The following GRM3 variants were observed in gnomAD, a reference collection of about 807,000 sequenced individuals.
GRM3 encodes metabotropic glutamate receptor 3.
A neutral mutation model predicts 70.5 loss-of-function variants in GRM3; 26 were observed. That is an observed-to-expected ratio of 0.37 (90% CI 0.27 to 0.51). The LOEUF is 0.51. Ranked by LOEUF, GRM3 falls within the 20% of genes least tolerant of loss-of-function variation. The pLI is 0.93. For missense variants in GRM3, 859 were observed against 1,123.8 expected, an observed-to-expected ratio of 0.76 and a Z score of 3.37; for synonymous variants, 443 against 434.9, an observed-to-expected ratio of 1.02 and a Z score of -0.23.
chr7:86,712,041 A>G (rs1204360691), intron 1 of GRM3, among the ~76,000 whole-genome samples: 5 of 152,176 alleles, frequency 3.3e-5, no homozygotes, highest in African/African-American at 1.2e-4. Context: ...TCTTTCTGTT[A>G]GTGGCATCCT....
In GRM3 at chr7:86,839,035, C is replaced by T. The variant is rs1176470306; in HGVS notation, c.1521C>T (p.Ser507=). 5 of 1,613,986 alleles carry T rather than the reference C, an allele frequency of 3.1e-6. No individual in the cohort carries two copies. Among genetic ancestry groups the T allele is most frequent in the Non-Finnish European group, 4.2e-6 (5 of 1,179,974 alleles). ...GGTCCCGGAACTCAGTCCCCACTTCCCAGTGCAGCGACCCCTGTGCCCCCA... is the reference window on the plus strand; with the variant it reads ...GGTCCCGGAACTCAGTCCCCACTTCTCAGTGCAGCGACCCCTGTGCCCCCA... ...IHWSRNSVPT[S]QCSDPCAPNE... Residue 507 remains serine, a synonymous_variant, in exon 4 of 6, where the codon TCC becomes TCT. Coordinates refer to ENST00000361669, the MANE Select transcript of GRM3 (RefSeq NM_000840.3). The surrounding 1 kb of genome is among the most constrained non-coding windows in gnomAD (Gnocchi z 4.5).
Position 86,840,479 on chromosome 7 carries a change from TTAAC to T in GRM3, c.2391+577_2391+580del, listed in dbSNP as rs200547734. Reference sequence around the variant, plus strand: ...GTTATATGTACATATATATTTTTCTTTAACTAGTTAAAAATTTTACTGTACATAT... The same window carrying T: ...GTTATATGTACATATATATTTTTCTTTAGTTAAAAATTTTACTGTACATAT... On this transcript the variant is annotated intron_variant, in intron 4 of 5. Coordinates refer to ENST00000361669, the MANE Select transcript of GRM3 (RefSeq NM_000840.3). Among the ~76,000 whole-genome samples, 11 of 152,252 alleles carry T rather than the reference TTAAC, an allele frequency of 7.2e-5. No individual in the cohort carries two copies. In the East Asian group the frequency reaches 1.2e-3, roughly 16 times the overall value.
Position 86,864,332 on chromosome 7 carries a change from G to A in GRM3, c.2617G>A (p.Asp873Asn), listed in dbSNP as rs369532307. The A allele has an allele frequency of 6.2e-6, 10 of 1,611,430 alleles. No homozygotes were observed. In the Admixed American group the frequency reaches 6.7e-5, roughly 11 times the overall value. The change falls in exon 6 of 6, where the codon GAC (aspartate) becomes AAC (asparagine). Residue 873 changes from aspartate to asparagine, a missense_variant. Asp to Asn is a conservative substitution (Grantham distance 23). Coordinates refer to ENST00000361669, the MANE Select transcript of GRM3 (RefSeq NM_000840.3). The stretch of plus-strand genomic sequence containing the variant: ...GGTGTGCAATGGGCGGGAAGTCCTC[G>A]ACTCCACCACCTCATCTCTGTGATT... ...PTVCNGREVL[D>N]STTSSL
At chr7:86,746,269 G>A (rs1321937852) in intron 1 of GRM3, among the ~76,000 whole-genome samples, 2 of 145,842 alleles carry the variant, frequency 1.4e-5, no homozygotes, top group Admixed American at 6.9e-5. Flanking sequence ...AAGAATGGCA[G>A]GATAGGTCAA....
rs1036271652 is a variant in GRM3, at chr7:86,645,019, G to A, written c.-141+147G>A. On this transcript the variant is annotated intron_variant, in intron 1 of 5. Transcript: ENST00000361669. ...CAGTCCTGACTGGAGTGGGAAGGGT[G>A]GAGGGCAGAGGCGATGTGGGTGTGC... 1.9e-5 allele frequency: 7 copies of A among 369,888 alleles called. 1 individual carries two copies. Among genetic ancestry groups the A allele is most frequent in the Non-Finnish European group, 3.7e-5 (7 of 191,346 alleles). 22.9% of individuals were successfully genotyped at this position (369,888 alleles called of 1,614,324 possible).
chr7:86,719,786 C>T (rs1019111680), intron 1 of GRM3, among the ~76,000 whole-genome samples: 3 of 151,926 alleles, frequency 2.0e-5, no homozygotes, highest in African/African-American at 7.2e-5. Flanking sequence ...ACTGGGAAAT[C>T]ATAGAGGACT....
At chr7:86,686,502 T>C (rs1042300343) in intron 1 of GRM3, among the ~76,000 whole-genome samples, 1 of 152,246 alleles carries the variant, frequency 6.6e-6, no homozygotes, top group Non-Finnish European at 1.5e-5. Flanking sequence ...AAAAACAGTT[T>C]AGTATTTGAG....
intron 1 of GRM3, among the ~76,000 whole-genome samples, chr7:86,650,516 C>A (rs1171822520): frequency 1.3e-5 from 2 of 152,224 alleles, no homozygotes; most frequent in East Asian, 3.9e-4. Context: ...AGATCTTTCT[C>A]CACTCCAGAC....
At chr7:86,693,101 A>G (rs1266932086) in intron 1 of GRM3, among the ~76,000 whole-genome samples, 1 of 152,202 alleles carries the variant, frequency 6.6e-6, no homozygotes, top group Non-Finnish European at 1.5e-5. Context: ...ATAGAGGGTG[A>G]ACACGGAATA....
At chr7:86,753,225 C>G (rs1053245399) in intron 1 of GRM3, among the ~76,000 whole-genome samples, 1 of 152,048 alleles carries the variant, frequency 6.6e-6, no homozygotes, top group African/African-American at 2.4e-5. Flanking sequence ...TATCCTCACT[C>G]CAACAATTTT....
intron 1 of GRM3, among the ~76,000 whole-genome samples, chr7:86,714,644 C>T (rs1246640430): frequency 6.6e-6 from 1 of 152,002 alleles, no homozygotes; most frequent in Admixed American, 6.6e-5. Context: ...GAAATCTTTG[C>T]ATCCATTTAA....
intron 1 of GRM3, among the ~76,000 whole-genome samples, chr7:86,746,374 T>TATATATATATATATAA (rs71524681): frequency 7.5e-6 from 1 of 132,976 alleles, no homozygotes; most frequent in Non-Finnish European, 1.6e-5. Context: ...TATATATATA[T>TATATATATATATATAA]AATCACTTCA....
In GRM3 at chr7:86,809,726, A is replaced by G. The variant is rs142642608; in HGVS notation, c.1324+22610A>G. 8.5e-5 allele frequency among the ~76,000 whole-genome samples: 13 copies of G among 152,166 alleles called. No individual in the cohort carries two copies. The East Asian group carries it at 9.6e-4, about 11-fold the overall frequency. Reference sequence around the variant, plus strand: ...AGTTTGTTGAGGAGACTACCCTCCAACAAGCGCTAGTCTCCTGGGAAAGGC... The same window carrying G: ...AGTTTGTTGAGGAGACTACCCTCCAGCAAGCGCTAGTCTCCTGGGAAAGGC... On this transcript the variant is annotated intron_variant, in intron 3 of 5. Transcript: ENST00000361669.
chr7:86,823,399 T>C (rs764211478), intron 3 of GRM3, among the ~76,000 whole-genome samples: 1 of 152,002 alleles, frequency 6.6e-6, no homozygotes, highest in Non-Finnish European at 1.5e-5. Flanking sequence ...TCCCAGTATA[T>C]ATGCCCTACA....
intron 3 of GRM3, among the ~76,000 whole-genome samples, chr7:86,836,354 A>G (rs2116728624): frequency 6.6e-6 from 1 of 152,360 alleles, no homozygotes; most frequent in Admixed American, 6.5e-5. Context: ...AACAACATAA[A>G]TGTTAAAACT....
chr7:86,770,576 C>T (rs1296026381), intron 2 of GRM3, among the ~76,000 whole-genome samples: 1 of 152,082 alleles, frequency 6.6e-6, no homozygotes, highest in Non-Finnish European at 1.5e-5. Context: ...ATAAAGACAT[C>T]CCTCTATTAT....
In GRM3 at chr7:86,838,803, A is replaced by T. The variant is rs1037891916; in HGVS notation, c.1325-36A>T. On this transcript the variant is annotated intron_variant, in intron 3 of 5. Transcript: ENST00000361669. The stretch of plus-strand genomic sequence containing the variant: ...TAATCACACGTAAGACACCTAAACA[A>T]GTGTTCTTTTTTTTCTTTCACTTTA... The T allele has an allele frequency of 2.5e-6, 3 of 1,217,392 alleles. No homozygotes were observed. In the African/African-American group the frequency reaches 4.5e-5, roughly 18 times the overall value. 75.4% of individuals were successfully genotyped at this position (1,217,392 alleles called of 1,614,324 possible).
chr7:86,743,762 G>C (rs1297276401), intron 1 of GRM3, among the ~76,000 whole-genome samples: 2 of 152,134 alleles, frequency 1.3e-5, no homozygotes, highest in Non-Finnish European at 2.9e-5. Context: ...TGGCTGGAGA[G>C]CAAGATCTCT....
chr7:86,670,504 T>A (rs1584152632), intron 1 of GRM3, among the ~76,000 whole-genome samples: 1 of 152,226 alleles, frequency 6.6e-6, no homozygotes, highest in African/African-American at 2.4e-5. Context: ...TGCCTGCATA[T>A]CTTGAGTCCA....
Sources: allele counts gnomAD v4.1 joint callset (sites outside exome capture counted in the v4.1 genomes callset), GRCh38; gene constraint gnomAD v4.1.1; non-coding constraint Gnocchi (gnomAD v3.1); transcripts MANE v1.5; gene names NCBI Gene and HGNC (gene_info 2026-07-23, HGNC 2026-07-21).